Variants in PDE12 observed in about 807,000 individuals in gnomAD.
PDE12 encodes phosphodiesterase 12.
Under a neutral mutation model 45.4 loss-of-function variants are expected in PDE12, and 26 were observed. The observed-to-expected ratio is 0.57, with a 90% CI of 0.42 to 0.79. PDE12 has a LOEUF of 0.79. Among genes scored for constraint, PDE12 ranks in the 30% least tolerant of loss-of-function variants. PDE12 has a pLI of 0.00. For missense variants in PDE12, 668 were observed against 790.0 expected, an observed-to-expected ratio of 0.85 and a Z score of 1.85; for synonymous variants, 283 against 323.9, an observed-to-expected ratio of 0.87 and a Z score of 1.36.
At chr3:57,655,897 T>C in the PDE12 span, among the ~76,000 whole-genome samples, 2 of 152,332 alleles carry the variant, frequency 1.3e-5, no homozygotes, top group African/African-American at 2.4e-5. Context: ...TGTCCAATAA[T>C]TGAACTCTAT....
chr3:57,557,107 G>C lies in PDE12; in HGVS notation c.728G>C (p.Gly243Ala), dbSNP rs754966164. The C allele has an allele frequency of 1.2e-6, 2 of 1,613,920 alleles. No homozygotes were observed. The highest frequency in any genetic ancestry group is 1.7e-6 in the Non-Finnish European group (2 of 1,180,042). ...TACACCCCGTCCAATGCCGACATCGGGCTAAGGCTCAAGCTTCACTGCACC... is the reference window on the plus strand; with the variant it reads ...TACACCCCGTCCAATGCCGACATCGCGCTAAGGCTCAAGCTTCACTGCACC... ...RVYTPSNADI[G>A]LRLKLHCTPG... Residue 243 changes from glycine to alanine, a missense_variant, in exon 1 of 3, where the codon GGG becomes GCG. By Grantham distance (60) the Gly-to-Ala change is moderately conservative. Around this residue, in one of 3 missense-constraint regions of PDE12, gnomAD observed 580 missense variants for 662.9 expected, o/e 0.87. Coordinates refer to ENST00000311180, the MANE Select transcript of PDE12 (RefSeq NM_177966.7).
At chr3:57,572,167 G>C in the PDE12 span, 4 of 1,503,848 alleles carry the variant, frequency 2.7e-6, no homozygotes, top group Non-Finnish European at 3.7e-6. Context: ...AACAAGCCTA[G>C]ACCAATTTTA....
chr3:57,644,857 T>C, the PDE12 span, among the ~76,000 whole-genome samples: 1 of 140,022 alleles, frequency 7.1e-6, no homozygotes, highest in Admixed American at 7.8e-5. Flanking sequence ...AGGGCAATGA[T>C]ATGCCCACTG....
chr3:57,598,375 TAA>T, the PDE12 span, among the ~76,000 whole-genome samples: 887 of 152,302 alleles, frequency 5.8e-3, 10 homozygotes, highest in African/African-American at 0.02. Context: ...TCAGAAACAG[TAA>T]GTTATTTTTA....
chr3:57,653,317 T>TA, the PDE12 span, among the ~76,000 whole-genome samples: 1 of 152,166 alleles, frequency 6.6e-6, no homozygotes, highest in Non-Finnish European at 1.5e-5. Flanking sequence ...ACATAGAAGA[T>TA]AGGAAGTATA....
At chr3:57,640,286 A>C in the PDE12 span, among the ~76,000 whole-genome samples, 3 of 147,608 alleles carry the variant, frequency 2.0e-5, no homozygotes, top group African/African-American at 7.5e-5. Context: ...AAAAACAAAA[A>C]AAAACAAAAA....
the PDE12 span, among the ~76,000 whole-genome samples, chr3:57,615,736 G>A: frequency 2.6e-5 from 4 of 151,986 alleles, no homozygotes; most frequent in East Asian, 1.9e-4. Flanking sequence ...CCCAGGAGAC[G>A]GAGGTTGCAG....
At chr3:57,635,653 G>A in the PDE12 span, among the ~76,000 whole-genome samples, 1 of 152,032 alleles carries the variant, frequency 6.6e-6, no homozygotes, top group Non-Finnish European at 1.5e-5. Flanking sequence ...TGCTAATTGT[G>A]GTATATCTGG....
At chr3:57,604,617 T>TGGGG in the PDE12 span, among the ~76,000 whole-genome samples, 7 of 8,316 alleles carry the variant, frequency 8.4e-4, no homozygotes, top group Non-Finnish European at 1.2e-3. Context: ...TTTTTTTTTT[T>TGGGG]GGGGGGGGTG....
chr3:57,594,043 G>A, the PDE12 span, among the ~76,000 whole-genome samples: 1 of 152,130 alleles, frequency 6.6e-6, no homozygotes, highest in Non-Finnish European at 1.5e-5. Flanking sequence ...ATCACCTGAG[G>A]TCAGGAGTTC....
chr3:57,575,739 A>T, the PDE12 span: 1 of 1,497,526 alleles, frequency 6.7e-7, no homozygotes, highest in Non-Finnish European at 9.0e-7. Flanking sequence ...ATGTCTTCCT[A>T]TATATACTTT....
chr3:57,579,012 C>T, the PDE12 span, among the ~76,000 whole-genome samples: 5,570 of 151,996 alleles, frequency 0.037, 175 homozygotes, highest in African/African-American at 0.087. Context: ...ATGTAAGTAA[C>T]GAGGCTGGTT....
chr3:57,617,979 G>A, the PDE12 span, among the ~76,000 whole-genome samples: 3 of 151,984 alleles, frequency 2.0e-5, no homozygotes, highest in Admixed American at 2.0e-4. Flanking sequence ...CGAGTCCTTC[G>A]CAACAAAGTG....
At chr3:57,627,441 G>A in the PDE12 span, 1 of 152,022 alleles carries the variant, frequency 6.6e-6, no homozygotes, top group Non-Finnish European at 1.5e-5. Context: ...ACCACACCCA[G>A]CCTAATGTTT....
At chr3:57,624,404 C>T in the PDE12 span, among the ~76,000 whole-genome samples, 1 of 152,124 alleles carries the variant, frequency 6.6e-6, no homozygotes. Context: ...CCCATCTCAG[C>T]CTCCCAAAGT....
Position 57,564,108 on chromosome 3 carries a change from T to C in PDE12, c.*4104T>C, listed in dbSNP as rs138868021. On this transcript the variant is annotated 3_prime_UTR_variant, in exon 3 of 3. Transcript: ENST00000311180. ...GTACTGCTTGTAATTTTTGTATTTT[T>C]AGTAGAGACAGGGTTTCACCATATT... 5.7e-4 allele frequency: 87 copies of C among 152,306 alleles called. No homozygotes were observed. The highest frequency in any genetic ancestry group is 2.0e-3 in the African/African-American group (83 of 41,574). 9.4% of individuals were successfully genotyped at this position (152,306 alleles called of 1,614,324 possible).
rs1161722931 is a variant in PDE12, at chr3:57,559,774, C to T, written c.1600C>T (p.Leu534Phe). 6.2e-7 allele frequency: 1 copy of T among 1,614,182 alleles called. No individual in the cohort carries two copies. The highest frequency in any genetic ancestry group is 1.7e-5 in the Admixed American group (1 of 60,024). The change falls in exon 3 of 3, where the codon CTT becomes TTT. Residue 534 changes from leucine to phenylalanine, a missense_variant. Leu to Phe is a conservative substitution (Grantham distance 22, BLOSUM62 0). Around this residue, in one of 3 missense-constraint regions of PDE12, gnomAD observed 79 missense variants for 97.9 expected, o/e 0.81. Coordinates refer to ENST00000311180, the MANE Select transcript of PDE12 (RefSeq NM_177966.7). ...NGEEERCNMS[L>F]THFFKLKSAC... Reference sequence around the variant, plus strand: ...GGAGGAGGAAAGATGCAATATGTCTCTTACACATTTCTTCAAGCTGAAAAG... The same window carrying T: ...GGAGGAGGAAAGATGCAATATGTCTTTTACACATTTCTTCAAGCTGAAAAG...
the PDE12 span, chr3:57,583,828 A>G: frequency 3.8e-5 from 40 of 1,039,766 alleles, no homozygotes; most frequent in Non-Finnish European, 5.6e-5. Flanking sequence ...AGTAAATACT[A>G]GATACTAATA....
downstream of PDE12, among the ~76,000 whole-genome samples, chr3:57,569,452 A>T (rs2069814784): frequency 6.6e-6 from 1 of 152,092 alleles, no homozygotes; most frequent in South Asian, 2.1e-4. Flanking sequence ...TCCCAGGTTC[A>T]AGCAATTCTC....
Sources: allele counts gnomAD v4.1 joint callset (sites outside exome capture counted in the v4.1 genomes callset), GRCh38; gene constraint gnomAD v4.1.1; regional missense constraint gnomAD v4.1.1; transcripts MANE v1.5; gene names NCBI Gene and HGNC (gene_info 2026-07-23, HGNC 2026-07-21).